Variants in MCC observed in about 807,000 individuals in gnomAD.
MCC encodes MCC regulator of Wnt signaling pathway.
Under a neutral mutation model 116.2 loss-of-function variants are expected in MCC, and 90 were observed. The ratio of observed to expected loss-of-function variants is 0.77; its 90% CI spans 0.65 to 0.92. MCC has a LOEUF of 0.92. Among genes scored for constraint, MCC ranks in the 40% least tolerant of loss-of-function variants. The pLI, the probability that MCC is intolerant of heterozygous loss-of-function variation, is 0.00. For synonymous variants in MCC, 578 were observed against 510.5 expected (o/e 1.13, Z -1.78); for missense variants, 1,516 against 1,312.2 (o/e 1.16, Z -2.40).
chr5:113,161,472 T>C (rs1445761988), intron 3 of MCC, among the ~76,000 whole-genome samples: 2 of 152,240 alleles, frequency 1.3e-5, no homozygotes, highest in Non-Finnish European at 2.9e-5. Flanking sequence ...CAAGTACCTT[T>C]AGTGGTGAAA....
At chr5:113,441,331 ACT>A (rs1367128481) in intron 1 of MCC, among the ~76,000 whole-genome samples, 1 of 151,670 alleles carries the variant, frequency 6.6e-6, no homozygotes, top group African/African-American at 2.4e-5. Flanking sequence ...AGAATGAGAC[ACT>A]GTCTCAAAAC....
At position 113,340,648 on chromosome 5, in the gene MCC, T is replaced by C; in HGVS notation, c.498A>G (p.Ser166=). The change falls in exon 3 of 19, where the codon TCA becomes TCG. Residue 166 remains serine (S), a synonymous_variant. Coordinates refer to ENST00000408903, the MANE Select transcript of MCC (RefSeq NM_001085377.2). ...CATACTCGAGCAGCTTCTGGAGGGC[T>C]GACTGGCTCTGCACATCCGGGCTCT... ...DLQSPDVQSQ[S]ALQKLLEYGG... is the part of the protein sequence containing the mutation. 3 of 1,614,138 alleles carry C rather than the reference T, an allele frequency of 1.9e-6. No homozygotes were observed. Among genetic ancestry groups the C allele is most frequent in the Non-Finnish European group, 2.5e-6 (3 of 1,180,012 alleles).
chr5:113,261,299 A>C (rs1765210562), intron 3 of MCC, among the ~76,000 whole-genome samples: 1 of 152,176 alleles, frequency 6.6e-6, no homozygotes, highest in African/African-American at 2.4e-5. Flanking sequence ...GAAGTGAAAA[A>C]CAGAATAGCT....
chr5:113,294,081 G>C (rs1241826563), intron 3 of MCC, among the ~76,000 whole-genome samples: 2 of 152,200 alleles, frequency 1.3e-5, no homozygotes, highest in African/African-American at 4.8e-5. Flanking sequence ...TCGCGGCTTG[G>C]TGAGAGGTTG....
At chr5:113,323,713 T>C (rs1767480284) in intron 3 of MCC, among the ~76,000 whole-genome samples, 1 of 152,176 alleles carries the variant, frequency 6.6e-6, no homozygotes, top group East Asian at 1.9e-4. Flanking sequence ...CTAATGCAAT[T>C]CTCTCTGTTT....
intron 1 of MCC, among the ~76,000 whole-genome samples, chr5:113,478,568 G>T (rs1172551996): frequency 6.6e-6 from 1 of 152,102 alleles, no homozygotes; most frequent in Non-Finnish European, 1.5e-5. Flanking sequence ...TCAGGAATTC[G>T]GTTCTGTATG....
At chr5:113,294,593 T>C in intron 3 of MCC, 2 of 1,234,136 alleles carry the variant, frequency 1.6e-6, no homozygotes, top group East Asian at 3.4e-5. Flanking sequence ...GGACGAGCCA[T>C]TGCTGCAGGA....
chr5:113,263,867 T>C (rs1765307671), intron 3 of MCC, among the ~76,000 whole-genome samples: 1 of 147,978 alleles, frequency 6.8e-6, no homozygotes, highest in East Asian at 2.0e-4. Context: ...GCAAAATAAC[T>C]GAAGGGAATA....
intron 3 of MCC, among the ~76,000 whole-genome samples, chr5:113,266,670 C>G (rs1237842725): frequency 6.6e-6 from 1 of 152,186 alleles, no homozygotes; most frequent in Non-Finnish European, 1.5e-5. Flanking sequence ...CGTGAGCCAC[C>G]ACATCCCAGC....
chr5:113,164,585 A>G (rs141630829), intron 3 of MCC, among the ~76,000 whole-genome samples: 59 of 152,316 alleles, frequency 3.9e-4, no homozygotes, highest in Middle Eastern at 3.4e-3. Flanking sequence ...ACTTTACAAG[A>G]GTTTTCATAG....
intron 3 of MCC, among the ~76,000 whole-genome samples, chr5:113,277,689 C>G (rs1765881122): frequency 6.6e-6 from 1 of 152,178 alleles, no homozygotes; most frequent in Admixed American, 6.5e-5. Context: ...GACTATGGTC[C>G]TTTCATCTGC....
At chr5:113,294,249 TG>T in intron 3 of MCC, 1 of 1,583,788 alleles carries the variant, frequency 6.3e-7, no homozygotes. Context: ...TGTAGGGCTG[TG>T]GGGAGGTCGA....
chr5:113,172,345 A>T (rs1561425700), intron 3 of MCC, among the ~76,000 whole-genome samples: 1 of 152,214 alleles, frequency 6.6e-6, no homozygotes, highest in African/African-American at 2.4e-5. Flanking sequence ...GGAGGTTAGA[A>T]CAACTATTCA....
At chr5:113,119,140 A>G (rs777481810) in intron 6 of MCC, among the ~76,000 whole-genome samples, 2 of 152,240 alleles carry the variant, frequency 1.3e-5, no homozygotes, top group Middle Eastern at 3.2e-3. Flanking sequence ...GTATTTGAGT[A>G]TCTCCTACGT....
rs76574857 is a variant in MCC at position 113,279,054 on chromosome 5, A to G, written c.627+61465T>C. Among the ~76,000 whole-genome samples the G allele has an allele frequency of 1.2e-3, 187 of 152,374 alleles. 6 individuals are homozygous for G. The East Asian group carries it at 0.021, about 17-fold the overall frequency. The stretch of plus-strand genomic sequence containing the variant: ...TAAAGGGAAAAGCCCATGAGTCTTT[A>G]GCTGGGGTTTTTGATAGTCAGATGT... On this transcript the variant is annotated intron_variant, in intron 3 of 18. Transcript: ENST00000408903.
rs371613170 is a variant in MCC, at chr5:113,068,159, T to G, written c.1950A>C (p.Glu650Asp). ...CACTCTCTGCCAGCGCCAGGAGGAG[T>G]TCGTAGGCTTCGATGCACTGCTCGC... ...QYSEQCIEAYELLLALAESEQ... is the reference protein window; with the variant it reads ...QYSEQCIEAYDLLLALAESEQ... Residue 650 changes from glutamate to aspartate, a missense_variant, in exon 13 of 19, where the codon GAA becomes GAC. By Grantham distance (45) the Glu-to-Asp change is conservative (BLOSUM62 2). Coordinates refer to ENST00000408903, the MANE Select transcript of MCC (RefSeq NM_001085377.2). The G allele has an allele frequency of 6.2e-7, 1 of 1,613,736 alleles. No individual in the cohort carries two copies. Among genetic ancestry groups the G allele is most frequent in the South Asian group, 1.1e-5 (1 of 91,056 alleles).
intron 1 of MCC, among the ~76,000 whole-genome samples, chr5:113,386,954 G>T (rs1467301763): frequency 6.6e-6 from 1 of 151,916 alleles, no homozygotes; most frequent in Non-Finnish European, 1.5e-5. Flanking sequence ...CCCTTGCCTT[G>T]GTCTCAGGGC....
At position 113,393,776 on chromosome 5, in the gene MCC, G is replaced by A. The variant is rs1008023518; in HGVS notation, c.171-8564C>T. Among the ~76,000 whole-genome samples the A allele has an allele frequency of 1.0e-3, 155 of 152,108 alleles. 1 individual carries two copies. Among genetic ancestry groups the A allele is most frequent in the African/African-American group, 3.6e-3 (151 of 41,392 alleles). On this transcript the variant is annotated intron_variant, in intron 1 of 18. Transcript: ENST00000408903. ...ACACATTTCTTTCTTTCTCTTCAGT[G>A]CTTAATGCCGACTGCTACCTTCTTG...
chr5:113,352,173 TA>T, intron 2 of MCC, among the ~76,000 whole-genome samples: 1 of 152,310 alleles, frequency 6.6e-6, no homozygotes, highest in African/African-American at 2.4e-5. Context: ...GTCTTCATGT[TA>T]AATTTTTTCT....
Sources: allele counts gnomAD v4.1 joint callset (sites outside exome capture counted in the v4.1 genomes callset), GRCh38; gene constraint gnomAD v4.1.1; transcripts MANE v1.5; gene names NCBI Gene and HGNC (gene_info 2026-07-23, HGNC 2026-07-21).